NAA15: variants seen among roughly 807,000 people sequenced by gnomAD.
NAA15 encodes N-alpha-acetyltransferase 15, NatA auxiliary subunit.
In NAA15, 34 loss-of-function variants were observed where a neutral mutation model predicts 114.0. That is an observed-to-expected ratio of 0.30 (90% CI 0.23 to 0.40). NAA15 has a LOEUF of 0.40. Ranked by LOEUF, NAA15 falls within the 10% of genes least tolerant of loss-of-function variation. NAA15 has a pLI of 1.00. For synonymous variants in NAA15, 340 were observed against 338.0 expected (o/e 1.01, Z -0.06); for missense variants, 658 against 1,004.5 (o/e 0.66, Z 4.66).
At chr4:139,324,013 A>G (rs1398343309) in intron 1 of NAA15, among the ~76,000 whole-genome samples, 1 of 152,104 alleles carries the variant, frequency 6.6e-6, no homozygotes, top group African/African-American at 2.4e-5. Flanking sequence ...CCTCCCCAGT[A>G]GCTGAGACTA....
intron 15 of NAA15, among the ~76,000 whole-genome samples, chr4:139,373,248 C>T (rs1748494160): frequency 6.6e-6 from 1 of 152,146 alleles, no homozygotes; most frequent in South Asian, 2.1e-4. Flanking sequence ...GTAAAGTCTA[C>T]TACACACTTA....
chr4:139,360,705 T>C (rs1748106428), intron 13 of NAA15, 77 bp downstream of exon 13: 4 of 1,289,728 alleles, frequency 3.1e-6, no homozygotes, highest in Non-Finnish European at 4.1e-6. Context: ...TTTTTTTCTC[T>C]TCTATTTCTT....
At chr4:139,333,515 T>C (rs897312986) in intron 1 of NAA15, among the ~76,000 whole-genome samples, 10 of 152,162 alleles carry the variant, frequency 6.6e-5, no homozygotes, top group African/African-American at 2.4e-4. Flanking sequence ...TTGCATGGAC[T>C]TTTTTTGGCC....
At chr4:139,370,498 T>C (rs537436034) in intron 15 of NAA15, 94 bp downstream of exon 15, 34 of 1,211,072 alleles carry the variant, frequency 2.8e-5, no homozygotes, top group Non-Finnish European at 3.7e-5. Flanking sequence ...TATAACCTTA[T>C]GTGATATAGG....
rs571541354 is a variant in NAA15, at chr4:139,347,957, G to A, written c.692-1505G>A. Among the ~76,000 whole-genome samples, 16 of 151,112 alleles carry A rather than the reference G, an allele frequency of 1.1e-4. No homozygotes were observed. The East Asian group carries it at 2.3e-3, about 22-fold the overall frequency. ...TGAGGCAGGAGAATGGCGTGAACCC[G>A]GGAAGCGGAGCTTGCAGTGAGCCGA... On this transcript the variant is annotated intron_variant, in intron 6 of 19. Transcript: ENST00000296543.
chr4:139,372,167 C>T (rs999091384), intron 15 of NAA15, among the ~76,000 whole-genome samples: 2 of 152,198 alleles, frequency 1.3e-5, no homozygotes, highest in Non-Finnish European at 2.9e-5. Context: ...CCTCCCGCCT[C>T]AGCCTCCCAA....
chr4:139,375,737 G>C (rs1355865326), intron 15 of NAA15, among the ~76,000 whole-genome samples: 4 of 152,022 alleles, frequency 2.6e-5, no homozygotes, highest in African/African-American at 9.7e-5. Flanking sequence ...TAGAATAGTA[G>C]CACAATTGCA....
chr4:139,317,699 A>G (rs936037742), intron 1 of NAA15, among the ~76,000 whole-genome samples: 3 of 152,160 alleles, frequency 2.0e-5, no homozygotes, highest in Admixed American at 1.3e-4. Flanking sequence ...TTTATGTGCT[A>G]TGCTTGAAAA....
At chr4:139,304,427 G>A (rs887917251) in intron 1 of NAA15, among the ~76,000 whole-genome samples, 10 of 152,184 alleles carry the variant, frequency 6.6e-5, no homozygotes, top group Admixed American at 2.0e-4. Context: ...GAGTGCTCGC[G>A]CACGCGGGTG....
At chr4:139,314,664 C>T (rs902887006) in intron 1 of NAA15, among the ~76,000 whole-genome samples, 2 of 151,800 alleles carry the variant, frequency 1.3e-5, no homozygotes, top group African/African-American at 4.8e-5. Flanking sequence ...AAGCATCTTC[C>T]AACTGTTTCT....
intron 15 of NAA15, among the ~76,000 whole-genome samples, chr4:139,375,463 C>T (rs1253790519): frequency 6.9e-6 from 1 of 145,520 alleles, no homozygotes; most frequent in Non-Finnish European, 1.5e-5. Flanking sequence ...CTTTTCTTTT[C>T]TTTTCTTTTT....
chr4:139,318,904 T>G (rs1448987396), intron 1 of NAA15, among the ~76,000 whole-genome samples: 1 of 151,830 alleles, frequency 6.6e-6, no homozygotes, highest in Non-Finnish European at 1.5e-5. Context: ...AGAACAAAGC[T>G]GTTTAGCTTG....
chr4:139,340,018 T>C (rs186421082), intron 3 of NAA15, among the ~76,000 whole-genome samples: 1 of 152,234 alleles, frequency 6.6e-6, no homozygotes, highest in Admixed American at 6.5e-5. Context: ...ATGACCTACG[T>C]CTTAGTTATT....
In NAA15 at chr4:139,301,634, C is replaced by T; in HGVS notation, c.-144C>T. On this transcript the variant is annotated 5_prime_UTR_variant, in exon 1 of 20. Coordinates refer to ENST00000296543, the MANE Select transcript of NAA15 (RefSeq NM_057175.5). ...GGAAAAAGGAGGTGTCCGGGTAGGG[C>T]AACGCGGCGACACCCGAGGCCTGGT... 1 of 873,440 alleles carries T rather than the reference C, an allele frequency of 1.1e-6. No homozygotes were observed. Among genetic ancestry groups the T allele is most frequent in the South Asian group, 1.7e-5 (1 of 60,350 alleles). 54.1% of individuals were successfully genotyped at this position (873,440 alleles called of 1,614,324 possible). A position where few individuals can be genotyped will look rare whatever the true frequency, so the allele number is the denominator to read the frequency against.
In NAA15 at chr4:139,381,310, AAGAT is replaced by A. The variant is rs1189061565; in HGVS notation, c.2155+2459_2155+2462del. Among the ~76,000 whole-genome samples, 11 of 152,264 alleles carry A rather than the reference AAGAT, an allele frequency of 7.2e-5. No individual in the cohort carries two copies. The East Asian group carries it at 2.1e-3, about 29-fold the overall frequency. ...TACATTTCTGGTCAGTGCTAAGTAA[AAGAT>A]AGGTGCTTATATATTCTATTTGTCT... is the stretch of plus-strand genomic sequence containing the variant. On this transcript the variant is annotated intron_variant, in intron 17 of 19. Coordinates refer to ENST00000296543, the MANE Select transcript of NAA15 (RefSeq NM_057175.5).
chr4:139,326,029 TAAAATC>T (rs1746790399), intron 1 of NAA15, among the ~76,000 whole-genome samples: 1 of 152,252 alleles, frequency 6.6e-6, no homozygotes, highest in African/African-American at 2.4e-5. Context: ...ACTTTCTTGT[TAAAATC>T]AGAATGTTTA....
chr4:139,359,336 C>G (rs1748063453), intron 11 of NAA15, among the ~76,000 whole-genome samples: 1 of 151,858 alleles, frequency 6.6e-6, no homozygotes, highest in Non-Finnish European at 1.5e-5. Flanking sequence ...CCATGTTGGC[C>G]AAGTTTGACT....
intron 14 of NAA15, among the ~76,000 whole-genome samples, chr4:139,362,288 G>C (rs1314651180): frequency 3.3e-5 from 5 of 152,120 alleles, no homozygotes; most frequent in African/African-American, 1.2e-4. Context: ...AGTATTACTA[G>C]TTATTTTTTT....
chr4:139,366,019 AT>A (rs34106756), intron 14 of NAA15, among the ~76,000 whole-genome samples: 37,180 of 145,902 alleles, frequency 0.25, 5,121 homozygotes, highest in South Asian at 0.42. Context: ...CTCTATTAGA[AT>A]TTTTTTTTTT....
Sources: allele counts gnomAD v4.1 joint callset (sites outside exome capture counted in the v4.1 genomes callset), GRCh38; gene constraint gnomAD v4.1.1; transcripts MANE v1.5; gene names NCBI Gene and HGNC (gene_info 2026-07-23, HGNC 2026-07-21).